The following EPHA6 variants were observed in gnomAD, a reference collection of about 807,000 sequenced individuals.
The protein encoded by EPHA6 is ephrin type-A receptor 6.
EPHA6 carries 50 observed loss-of-function variants against 112.0 expected under a neutral mutation model. The observed-to-expected ratio is 0.45, with a 90% CI of 0.36 to 0.56. The LOEUF (loss-of-function observed/expected upper bound fraction) is 0.56. Ranked by LOEUF, EPHA6 falls within the 20% of genes least tolerant of loss-of-function variation. The pLI, the probability that EPHA6 is intolerant of heterozygous loss-of-function variation, is 0.00. For missense variants in EPHA6, 1,280 were observed against 1,417.4 expected (o/e 0.90, Z 1.56); for synonymous variants, 529 against 490.7 (o/e 1.08, Z -1.03).
rs191202029 is a variant in EPHA6, at chr3:97,699,624, G to A, written c.2785-20637G>A. Among the ~76,000 whole-genome samples, 983 of 152,214 alleles carry A rather than the reference G, an allele frequency of 6.5e-3. 8 individuals are homozygous for A. Among genetic ancestry groups the A allele is most frequent in the Middle Eastern group, 0.02 (6 of 294 alleles). ...CCGTGTGGTGGGTAGAGAAACATAG[G>A]ACACAATAACGGGAATCTGATAAAC... On this transcript the variant is annotated intron_variant, in intron 14 of 17. Transcript: ENST00000389672.
At chr3:97,479,405 T>G in intron 9 of EPHA6, 41 bp downstream of exon 9, 2 of 1,386,346 alleles carry the variant, frequency 1.4e-6, no homozygotes, top group Non-Finnish European at 2.0e-6. Flanking sequence ...TTTGTACTGT[T>G]CCAGCACTTC....
chr3:97,152,499 A>T (rs2076194116), intron 3 of EPHA6, among the ~76,000 whole-genome samples: 1 of 151,274 alleles, frequency 6.6e-6, no homozygotes, highest in East Asian at 1.9e-4. Flanking sequence ...AATATTACAG[A>T]ACTAACACTG....
intron 5 of EPHA6, among the ~76,000 whole-genome samples, chr3:97,294,031 T>C (rs1419413898): frequency 6.6e-6 from 1 of 152,224 alleles, no homozygotes; most frequent in Non-Finnish European, 1.5e-5. Context: ...AAATTGTTGC[T>C]GGTGTCAGGA....
chr3:97,566,699 G>T (rs2107196209), intron 11 of EPHA6, among the ~76,000 whole-genome samples: 1 of 152,272 alleles, frequency 6.6e-6, no homozygotes, highest in East Asian at 1.9e-4. Context: ...TGCAGGTATG[G>T]CTGGATCTAG....
chr3:97,087,942 G>A (rs923483533), intron 3 of EPHA6, among the ~76,000 whole-genome samples: 4 of 151,990 alleles, frequency 2.6e-5, no homozygotes, highest in Non-Finnish European at 4.4e-5. Context: ...CTAACACTTT[G>A]GGAGGCTGAG....
intron 5 of EPHA6, among the ~76,000 whole-genome samples, chr3:97,370,103 A>G (rs1198576146): frequency 6.6e-6 from 1 of 152,160 alleles, no homozygotes; most frequent in Non-Finnish European, 1.5e-5. Context: ...TACAACTCGT[A>G]TGGTAGCAAA....
chr3:97,386,634 G>A (rs1352877383), intron 5 of EPHA6, among the ~76,000 whole-genome samples: 1 of 152,112 alleles, frequency 6.6e-6, no homozygotes, highest in African/African-American at 2.4e-5. Flanking sequence ...GCTTTTCCAG[G>A]CACACAGTAC....
chr3:96,866,655 T>A (rs1014821579), intron 1 of EPHA6, among the ~76,000 whole-genome samples, 170 bp from the exon 2 acceptor site: 1 of 151,720 alleles, frequency 6.6e-6, no homozygotes, highest in African/African-American at 2.4e-5. Context: ...AATACTATTT[T>A]ATATTAATAT....
intron 3 of EPHA6, among the ~76,000 whole-genome samples, chr3:97,000,369 TTA>T (rs148337209): frequency 2.7e-5 from 4 of 150,198 alleles, no homozygotes; most frequent in Admixed American, 6.7e-5. Flanking sequence ...TTTATATATT[TTA>T]TATATATATA....
At position 97,637,918 on chromosome 3, in the gene EPHA6, C is replaced by T. The variant is rs2093963357; in HGVS notation, c.2620C>T (p.Arg874Ter). 3.1e-6 allele frequency: 5 copies of T among 1,613,776 alleles called. No individual in the cohort carries two copies. The highest frequency in any genetic ancestry group is 3.4e-6 in the Non-Finnish European group (4 of 1,179,838). Residue 874 changes from arginine (R) to a stop codon, truncating the protein, a stop_gained, in exon 14 of 18, where the codon CGA (arginine) becomes TGA (stop). Coordinates refer to ENST00000389672, the MANE Select transcript of EPHA6 (RefSeq NM_001080448.3). LOFTEE classifies it high-confidence loss of function. ...AGTCATCCAGTTGGTCGGAATGCTCCGAGGCATTGCATCAGGCATGAAGTA... is the reference window on the plus strand; with the variant it reads ...AGTCATCCAGTTGGTCGGAATGCTCTGAGGCATTGCATCAGGCATGAAGTA... ...FTVIQLVGML[R>*]GIASGMKYLS...
intron 1 of EPHA6, among the ~76,000 whole-genome samples, chr3:96,847,818 C>T (rs2035158236): frequency 6.6e-6 from 1 of 152,050 alleles, no homozygotes; most frequent in South Asian, 2.1e-4. Flanking sequence ...ACAATTTGGG[C>T]AAGTAATCTA....
At chr3:97,431,263 A>G (rs1302231424) in intron 6 of EPHA6, among the ~76,000 whole-genome samples, 1 of 152,154 alleles carries the variant, frequency 6.6e-6, no homozygotes, top group African/African-American at 2.4e-5. Context: ...TAGAAATATC[A>G]ACATTTCCAT....
intron 5 of EPHA6, among the ~76,000 whole-genome samples, chr3:97,330,191 A>C (rs1045035009): frequency 8.5e-5 from 13 of 152,086 alleles, no homozygotes; most frequent in African/African-American, 2.7e-4. Flanking sequence ...CTGTTTTGGT[A>C]CCAGTACCAT....
chr3:96,948,998 A>G (rs1216384313), intron 2 of EPHA6, among the ~76,000 whole-genome samples: 3 of 152,082 alleles, frequency 2.0e-5, no homozygotes, highest in African/African-American at 7.2e-5. Context: ...GACCATCACC[A>G]TGTATGGTGT....
At chr3:97,038,969 T>C (rs2045214087) in intron 3 of EPHA6, among the ~76,000 whole-genome samples, 1 of 152,136 alleles carries the variant, frequency 6.6e-6, no homozygotes, top group East Asian at 1.9e-4. Flanking sequence ...ATCTAGGCAC[T>C]GTATATTCGG....
intron 1 of EPHA6, among the ~76,000 whole-genome samples, chr3:96,863,716 C>A (rs536178579): frequency 6.6e-6 from 1 of 152,030 alleles, no homozygotes; most frequent in African/African-American, 2.4e-5. Flanking sequence ...GAGAACAAAG[C>A]AGGCTTAATA....
At chr3:97,608,695 A>G (rs1360921321) in intron 12 of EPHA6, among the ~76,000 whole-genome samples, 1 of 151,216 alleles carries the variant, frequency 6.6e-6, no homozygotes, top group Non-Finnish European at 1.5e-5. Flanking sequence ...GCAGGTGACT[A>G]CAAAAGTAAA....
chr3:97,215,521 G>T (rs1360343863), intron 3 of EPHA6, among the ~76,000 whole-genome samples: 2 of 151,730 alleles, frequency 1.3e-5, no homozygotes, highest in Non-Finnish European at 2.9e-5. Flanking sequence ...TGAGGCAGGA[G>T]AATTGCTTGA....
At chr3:97,439,643 A>G (rs1479057470) in intron 6 of EPHA6, 2 of 1,003,054 alleles carry the variant, frequency 2.0e-6, no homozygotes, top group East Asian at 7.9e-5. Context: ...AAAGGCAGAA[A>G]CCAGGAAAGC....
Sources: gnomAD v4.1 joint callset for allele counts (sites outside exome capture counted in the v4.1 genomes callset) on GRCh38, gnomAD v4.1.1 for gene constraint, MANE v1.5 for transcripts, NCBI Gene and HGNC (gene_info 2026-07-23, HGNC 2026-07-21) for gene names.